ANKFN1: variants seen among roughly 807,000 people sequenced by gnomAD.
ANKFN1 encodes ankyrin repeat and fibronectin type III domain containing 1, also known as ankyrin repeat and fibronectin type-III domain-containing protein 1.
A neutral mutation model predicts 108.7 loss-of-function variants in ANKFN1; 74 were observed. The ratio of observed to expected loss-of-function variants is 0.68; its 90% CI spans 0.56 to 0.83. ANKFN1 has a LOEUF of 0.83. ANKFN1 is among the 40% of genes least tolerant of loss of function. The pLI is 0.00. For missense variants in ANKFN1, 1,505 were observed against 1,382.3 expected, an observed-to-expected ratio of 1.09 and a Z score of -1.41; for synonymous variants, 547 against 516.2, an observed-to-expected ratio of 1.06 and a Z score of -0.81.
chr17:56,467,737 A>G (rs1270431853), intron 15 of ANKFN1, among the ~76,000 whole-genome samples: 1 of 106,550 alleles, frequency 9.4e-6, no homozygotes, highest in Non-Finnish European at 1.8e-5. Context: ...GAGAGAAAGA[A>G]AGAAACAAAG....
chr17:56,324,563 G>T (rs2045463243), intron 3 of ANKFN1, among the ~76,000 whole-genome samples: 1 of 152,120 alleles, frequency 6.6e-6, no homozygotes. Flanking sequence ...AAGTAAGTCT[G>T]CATTCAAGCC....
chr17:56,338,760 T>C (rs1162072444), intron 4 of ANKFN1, among the ~76,000 whole-genome samples: 2 of 152,012 alleles, frequency 1.3e-5, no homozygotes, highest in Non-Finnish European at 2.9e-5. Context: ...GCAAGAATCA[T>C]ATAGTGCATT....
intron 3 of ANKFN1, among the ~76,000 whole-genome samples, chr17:56,244,772 T>C (rs750448167): frequency 2.5e-4 from 38 of 152,092 alleles, no homozygotes; most frequent in African/African-American, 5.1e-4. Context: ...AGAATTCCCA[T>C]TGTGGCTCTC....
At chr17:56,227,768 A>G (rs1254302417) in intron 2 of ANKFN1, 149 bp from the exon 3 acceptor site, 6 of 667,180 alleles carry the variant, frequency 9.0e-6, no homozygotes, top group Non-Finnish European at 1.5e-5. Flanking sequence ...ATCCCCAAGA[A>G]AAGTCTCCCA....
rs1555594332 is a variant in ANKFN1 at position 56,105,711 on chromosome 17, C to CTGTCTGTG, written c.288+59389_288+59390insCTGTGTGT. Among the ~76,000 whole-genome samples the CTGTCTGTG allele has an allele frequency of 2.0e-3, 289 of 144,606 alleles. No homozygotes were observed. The East Asian group carries it at 0.023, about 12-fold the overall frequency. 94.9% of individuals were successfully genotyped at this position (144,606 alleles called of 152,430 possible). A position where few individuals can be genotyped will look rare whatever the true frequency, so the allele number is the denominator to read the frequency against. ...TTTGGAGTTTTGGGGGTTTTTTTGT[C>CTGTCTGTG]TGTGTGTGTGTGTGTGTGTGTGTGT... On this transcript the variant is annotated intron_variant, in intron 4 of 12. Transcript: ENST00000635860.
At chr17:56,239,551 T>G (rs1249762709) in intron 3 of ANKFN1, among the ~76,000 whole-genome samples, 1 of 152,162 alleles carries the variant, frequency 6.6e-6, no homozygotes, top group Non-Finnish European at 1.5e-5. Context: ...AAAATACATA[T>G]TTTTTAAAAG....
chr17:56,206,940 G>C (rs1471281307), intron 1 of ANKFN1: 1 of 152,204 alleles, frequency 6.6e-6, no homozygotes, highest in East Asian at 1.9e-4. Context: ...AGCCCTACAT[G>C]TTGCCCCCTC....
intron 3 of ANKFN1, among the ~76,000 whole-genome samples, chr17:56,238,958 A>G (rs1471800421): frequency 2.0e-5 from 3 of 152,092 alleles, no homozygotes; most frequent in Non-Finnish European, 4.4e-5. Flanking sequence ...TCAAGTTACA[A>G]TTTTTAAAAA....
At chr17:56,110,729 G>T (rs1014613453) in intron 4 of ANKFN1, among the ~76,000 whole-genome samples, 4 of 152,196 alleles carry the variant, frequency 2.6e-5, no homozygotes, top group Admixed American at 6.5e-5. Flanking sequence ...AAACCATGCT[G>T]CAGGTAACAA....
At chr17:56,442,766 T>C (rs2049150399) in intron 9 of ANKFN1, 77 bp from the exon 10 acceptor site, 1 of 1,319,992 alleles carries the variant, frequency 7.6e-7, no homozygotes. Context: ...CACATAGTTA[T>C]TAAATTCTAT....
intron 1 of ANKFN1, among the ~76,000 whole-genome samples, chr17:56,201,227 C>T (rs1914026425): frequency 6.6e-6 from 1 of 152,144 alleles, no homozygotes; most frequent in East Asian, 1.9e-4. Flanking sequence ...CAGGATGCTC[C>T]TCCTCAAACC....
At chr17:56,294,680 G>A (rs977584289) in intron 3 of ANKFN1, among the ~76,000 whole-genome samples, 3 of 152,236 alleles carry the variant, frequency 2.0e-5, no homozygotes, top group Non-Finnish European at 2.9e-5. Context: ...TGACCTGCTT[G>A]TTTGTGTCAT....
chr17:56,373,995 C>T (rs2046880161), intron 7 of ANKFN1, among the ~76,000 whole-genome samples: 1 of 152,086 alleles, frequency 6.6e-6, no homozygotes. Context: ...ATTTTTTTCT[C>T]GGAAAATACT....
At chr17:56,189,137 C>T (rs1469525217) in intron 1 of ANKFN1, among the ~76,000 whole-genome samples, 1 of 145,480 alleles carries the variant, frequency 6.9e-6, no homozygotes, top group Non-Finnish European at 1.5e-5. Flanking sequence ...TTATAATCAA[C>T]TAGTAAACCT....
intron 4 of ANKFN1, among the ~76,000 whole-genome samples, chr17:56,055,767 T>C (rs1307577430): frequency 6.6e-6 from 1 of 150,970 alleles, no homozygotes; most frequent in Non-Finnish European, 1.5e-5. Flanking sequence ...GGTTGAATGG[T>C]AGTTCTATTT....
rs141677437 is a variant in ANKFN1, at chr17:56,481,841, G to A, written c.2092-515G>A. On this transcript the variant is annotated intron_variant, in intron 17 of 20. Coordinates refer to ENST00000682825, the MANE Select transcript of ANKFN1 (RefSeq NM_001370326.1). ...TTGTGACACTAGATACTATTAAAGC[G>A]TTTCTTGGACTTAGCAGGTTTGAAG... Among the ~76,000 whole-genome samples, 112 of 152,254 alleles carry A rather than the reference G, an allele frequency of 7.4e-4. 3 individuals are homozygous for A. The East Asian group carries it at 0.015, about 20-fold the overall frequency.
chr17:56,369,661 G>A (rs1484877473), intron 6 of ANKFN1, among the ~76,000 whole-genome samples: 3 of 152,072 alleles, frequency 2.0e-5, no homozygotes, highest in Non-Finnish European at 2.9e-5. Context: ...ATTAATAATA[G>A]GGAGAAACAT....
chr17:56,203,239 C>T (rs896237211), intron 1 of ANKFN1, among the ~76,000 whole-genome samples: 1 of 152,172 alleles, frequency 6.6e-6, no homozygotes, highest in Non-Finnish European at 1.5e-5. Flanking sequence ...TATCTAAGAT[C>T]TCCACGGGAC....
chr17:56,284,151 G>A (rs1400949315), intron 3 of ANKFN1, among the ~76,000 whole-genome samples: 2 of 152,140 alleles, frequency 1.3e-5, no homozygotes, highest in African/African-American at 2.4e-5. Flanking sequence ...AAACACTCAT[G>A]TTCATGTATG....
Sources: allele counts gnomAD v4.1 joint callset (sites outside exome capture counted in the v4.1 genomes callset), GRCh38; gene constraint gnomAD v4.1.1; transcripts MANE v1.5; gene names NCBI Gene and HGNC (gene_info 2026-07-23, HGNC 2026-07-21).